NRXN1: variants seen among roughly 807,000 people sequenced by gnomAD.
The protein encoded by NRXN1 is neurexin 1.
NRXN1 carries 39 observed loss-of-function variants against 150.9 expected under a neutral mutation model. The ratio of observed to expected loss-of-function variants is 0.26; its 90% CI spans 0.20 to 0.34. The LOEUF (loss-of-function observed/expected upper bound fraction) is 0.34. Ranked by LOEUF, NRXN1 falls within the 10% of genes least tolerant of loss-of-function variation. The pLI is 1.00. For synonymous variants in NRXN1, 924 were observed against 757.0 expected (o/e 1.22, Z -3.62); for missense variants, 1,815 against 1,949.9 (o/e 0.93, Z 1.30).
intron 5 of NRXN1, among the ~76,000 whole-genome samples, chr2:50,767,676 G>A (rs2105427097): frequency 6.6e-6 from 1 of 152,164 alleles, no homozygotes; most frequent in Non-Finnish European, 1.5e-5. Flanking sequence ...CTAAACAATA[G>A]TTCTTTAAAG....
rs567404469 is a variant in NRXN1, at chr2:50,121,242, C to T, written c.3547-29748G>A. Among the ~76,000 whole-genome samples, 79 of 152,172 alleles carry T rather than the reference C, an allele frequency of 5.2e-4. 1 individual carries two copies. The East Asian group carries it at 0.01, about 20-fold the overall frequency. On this transcript the variant is annotated intron_variant, in intron 18 of 22. Coordinates refer to ENST00000401669, the MANE Select transcript of NRXN1 (RefSeq NM_001330078.2). ...TTCGCCATGTTGGCCAGGCTGGTCT[C>T]GAACTCCTGACCTTAAGATCCGCCT...
chr2:50,478,548 C>T (rs958535528), intron 15 of NRXN1, among the ~76,000 whole-genome samples: 3 of 151,690 alleles, frequency 2.0e-5, no homozygotes, highest in African/African-American at 7.3e-5. Flanking sequence ...AAGTGGTCAC[C>T]AGCTTGATTT....
intron 2 of NRXN1, among the ~76,000 whole-genome samples, chr2:50,936,296 A>AAT (rs1160713812): frequency 3.3e-5 from 5 of 152,158 alleles, no homozygotes; most frequent in African/African-American, 1.2e-4. Flanking sequence ...TACACAACAT[A>AAT]ATGAGATGCT....
chr2:50,014,958 T>C (rs997879028), intron 21 of NRXN1, among the ~76,000 whole-genome samples: 4 of 152,180 alleles, frequency 2.6e-5, no homozygotes, highest in African/African-American at 9.6e-5. Flanking sequence ...TCTTTTGTTT[T>C]GCAATTTATC....
chr2:50,815,197 T>C (rs907680159), intron 5 of NRXN1, among the ~76,000 whole-genome samples: 1 of 152,134 alleles, frequency 6.6e-6, no homozygotes, highest in Non-Finnish European at 1.5e-5. Context: ...AAACTACATT[T>C]TGAAACCTTC....
At chr2:50,144,119 T>C (rs968966744) in intron 18 of NRXN1, among the ~76,000 whole-genome samples, 3 of 151,904 alleles carry the variant, frequency 2.0e-5, no homozygotes, top group Non-Finnish European at 2.9e-5. Flanking sequence ...TTTCAAATTA[T>C]AGCCACATGG....
At chr2:50,118,115 T>C (rs1276898485) in intron 18 of NRXN1, among the ~76,000 whole-genome samples, 1 of 152,216 alleles carries the variant, frequency 6.6e-6, no homozygotes, top group Non-Finnish European at 1.5e-5. Flanking sequence ...AGTAAGATCT[T>C]AACGTTGTAC....
chr2:50,872,488 C>T (rs1271597804), intron 5 of NRXN1, among the ~76,000 whole-genome samples: 2 of 151,538 alleles, frequency 1.3e-5, no homozygotes, highest in African/African-American at 4.8e-5. Context: ...GTAGAAAACT[C>T]GCAGTAGAAT....
intron 5 of NRXN1, among the ~76,000 whole-genome samples, chr2:50,761,465 T>G (rs1241654612): frequency 1.3e-5 from 2 of 151,932 alleles, no homozygotes; most frequent in East Asian, 3.9e-4. Flanking sequence ...AAGATGCGCC[T>G]TTGCTCCTCC....
At chr2:50,588,547 C>T (rs1357584605) in intron 8 of NRXN1, 4 of 152,140 alleles carry the variant, frequency 2.6e-5, no homozygotes, top group East Asian at 1.9e-4. Context: ...ATGGTAAAAA[C>T]GTGCCTTCAG....
At chr2:50,795,076 T>A (rs781435228) in intron 5 of NRXN1, among the ~76,000 whole-genome samples, 4 of 152,142 alleles carry the variant, frequency 2.6e-5, no homozygotes, top group Non-Finnish European at 4.4e-5. Context: ...GTTAACTACA[T>A]GCTTAGTAGT....
chr2:50,687,780 A>G (rs1691462342), intron 5 of NRXN1, among the ~76,000 whole-genome samples: 1 of 152,198 alleles, frequency 6.6e-6, no homozygotes. Context: ...ATTCAGTTTC[A>G]AAGTATTTCT....
chr2:51,020,664 T>C (rs555476600), intron 2 of NRXN1, among the ~76,000 whole-genome samples: 3 of 152,114 alleles, frequency 2.0e-5, no homozygotes, highest in Admixed American at 2.0e-4. Flanking sequence ...GTTCACAATA[T>C]ATTAGTAGTC....
chr2:50,129,379 C>A (rs1705126420), intron 18 of NRXN1, among the ~76,000 whole-genome samples: 1 of 152,198 alleles, frequency 6.6e-6, no homozygotes, highest in Non-Finnish European at 1.5e-5. Flanking sequence ...GAGAAGTCTA[C>A]TGCCTTGGCA....
At position 50,347,087 on chromosome 2, in the gene NRXN1, TC is replaced by T; in HGVS notation, c.3365-110118del. On this transcript the variant is annotated intron_variant, in intron 17 of 22. Transcript: ENST00000401669. This position sits in a 1 kb window ranked among gnomAD's most constrained non-coding sequence, Gnocchi z 4.9. ...TCACCGCGCCAGGGCACCCATCCTC[TC>T]CCTCCTTCGGACAGTCTTCTCGGGG... 3 of 1,383,620 alleles carry T rather than the reference TC, an allele frequency of 2.2e-6. No homozygotes were observed. Among genetic ancestry groups the T allele is most frequent in the Middle Eastern group, 2.5e-4 (1 of 3,950 alleles). The allele number at this position is 1,383,620 out of a possible 1,614,324, so 85.7% of individuals were successfully genotyped here.
At chr2:50,858,330 T>C (rs989327315) in intron 5 of NRXN1, among the ~76,000 whole-genome samples, 2 of 152,130 alleles carry the variant, frequency 1.3e-5, no homozygotes, top group Admixed American at 1.3e-4. Context: ...TCTCACTGTT[T>C]GGGCGCAATC....
chr2:50,843,860 G>A (rs562098756), intron 5 of NRXN1, among the ~76,000 whole-genome samples: 1 of 152,214 alleles, frequency 6.6e-6, no homozygotes, highest in African/African-American at 2.4e-5. Flanking sequence ...GTCTCACAAT[G>A]CTATTTCCAC....
chr2:50,370,852 T>C (rs115685885), intron 17 of NRXN1, among the ~76,000 whole-genome samples: 1,949 of 152,072 alleles, frequency 0.013, 39 homozygotes, highest in African/African-American at 0.044. Flanking sequence ...CTGCTCTTGC[T>C]AAGACTGAAA....
chr2:50,970,492 A>G (rs995586296), intron 2 of NRXN1, among the ~76,000 whole-genome samples: 2 of 152,166 alleles, frequency 1.3e-5, no homozygotes, highest in Admixed American at 6.5e-5. Flanking sequence ...ACAGCAAAAC[A>G]CATTAAAACC....
Sources: gnomAD v4.1 joint callset for allele counts (sites outside exome capture counted in the v4.1 genomes callset) on GRCh38, gnomAD v4.1.1 for gene constraint, Gnocchi (gnomAD v3.1) non-coding constraint, MANE v1.5 for transcripts, NCBI Gene and HGNC (gene_info 2026-07-23, HGNC 2026-07-21) for gene names.